ANKRA2: variants seen among roughly 807,000 people sequenced by gnomAD.
ANKRA2 encodes the protein ankyrin repeat family A member 2.
A neutral mutation model predicts 37.8 loss-of-function variants in ANKRA2; 33 were observed. The observed-to-expected ratio is 0.87, with a 90% CI of 0.66 to 1.17. The LOEUF is 1.17. Among genes scored for constraint, ANKRA2 ranks in the 50% most tolerant of loss-of-function variants. The probability of loss-of-function intolerance (pLI) is 0.00; values close to 1 mark genes in which losing one functional copy is unlikely to be tolerated. For missense variants in ANKRA2, 326 were observed against 373.7 expected (o/e 0.87, Z 1.05); for synonymous variants, 126 against 132.3 (o/e 0.95, Z 0.33).
intron 3 of ANKRA2, among the ~76,000 whole-genome samples, chr5:73,560,528 T>G (rs915247815): frequency 6.6e-6 from 1 of 151,916 alleles, no homozygotes; most frequent in Admixed American, 6.6e-5. Context: ...GCCTGGCTAT[T>G]TTTTGAAATT....
chr5:73,554,486 T>A, intron 6 of ANKRA2, 98 bp from the exon 7 acceptor site: 2 of 768,690 alleles, frequency 2.6e-6, no homozygotes, highest in Non-Finnish European at 4.3e-6. Flanking sequence ...AGACATATAA[T>A]CATTTAAAGT....
At chr5:73,560,888 C>G (rs1307829244) in intron 3 of ANKRA2, among the ~76,000 whole-genome samples, 1 of 152,142 alleles carries the variant, frequency 6.6e-6, no homozygotes, top group African/African-American at 2.4e-5. Context: ...ATAGTGAGAT[C>G]GTGTGGTATT....
At chr5:73,561,666 C>T (rs1747557977) in intron 2 of ANKRA2, among the ~76,000 whole-genome samples, 1 of 151,962 alleles carries the variant, frequency 6.6e-6, no homozygotes, top group African/African-American at 2.4e-5. Flanking sequence ...ACTCGGGAGG[C>T]TGAGGCAGGA....
At chr5:73,559,155 T>C (rs532728382) in intron 3 of ANKRA2, among the ~76,000 whole-genome samples, 33 of 152,250 alleles carry the variant, frequency 2.2e-4, no homozygotes, top group African/African-American at 7.5e-4. Flanking sequence ...ACAGGTGGGA[T>C]GAGAGTCCTA....
At chr5:73,563,676 T>C (rs1249071078) in intron 1 of ANKRA2, among the ~76,000 whole-genome samples, 1 of 152,196 alleles carries the variant, frequency 6.6e-6, no homozygotes, top group African/African-American at 2.4e-5. Flanking sequence ...TTCCAAGATG[T>C]ATAGTTGTCT....
chr5:73,554,257 G>A (rs1479378350), intron 7 of ANKRA2, 65 bp downstream of exon 7: 2 of 1,317,538 alleles, frequency 1.5e-6, no homozygotes, highest in African/African-American at 2.9e-5. Context: ...AGTACCAGGG[G>A]AGGCCAGGTC....
Position 73,561,148 on chromosome 5 carries a change from T to A in ANKRA2, c.430A>T (p.Thr144Ser). ...TACTTACAATTTGCTAACAGAGGTG[T>A]GGTAGAGACCTCATTTCCTCTGTGT... is the stretch of plus-strand genomic sequence containing the variant. ...NKHRGNEVST[T>S]PLLANSLSVH... Residue 144 changes from threonine to serine, a missense_variant, in exon 3 of 9, where the codon ACA (threonine) becomes TCA (serine). Physicochemically the swap from Thr to Ser is moderately conservative, Grantham distance 58 (BLOSUM62 1). Coordinates refer to ENST00000296785, the MANE Select transcript of ANKRA2 (RefSeq NM_023039.5). The A allele has an allele frequency of 6.2e-7, 1 of 1,613,114 alleles. No individual in the cohort carries two copies. Among genetic ancestry groups the A allele is most frequent in the Non-Finnish European group, 8.5e-7 (1 of 1,179,800 alleles).
chr5:73,555,050 G>C, intron 5 of ANKRA2, 64 bp from the exon 6 acceptor site: 4 of 1,560,864 alleles, frequency 2.6e-6, no homozygotes, highest in Non-Finnish European at 3.5e-6. Context: ...TGTTATTCCT[G>C]TCAACAATAA....
At chr5:73,557,662 C>T (rs764825624) in intron 3 of ANKRA2, 22 bp from the exon 4 acceptor site, 7 of 1,579,896 alleles carry the variant, frequency 4.4e-6, no homozygotes, top group African/African-American at 1.3e-5. Context: ...TCATAAAATG[C>T]TTCATGAATT....
At chr5:73,564,782 T>C (rs1266317159) in intron 1 of ANKRA2, among the ~76,000 whole-genome samples, 5 of 150,432 alleles carry the variant, frequency 3.3e-5, no homozygotes, top group East Asian at 3.9e-4. Context: ...GCGAAGGGGG[T>C]GGGTGGAAAA....
In ANKRA2 at chr5:73,562,963, T is replaced by C; in HGVS notation, c.-82A>G. 1 of 1,277,604 alleles carries C rather than the reference T, an allele frequency of 7.8e-7. No homozygotes were observed. The highest frequency in any genetic ancestry group is 1.1e-6 in the Non-Finnish European group (1 of 941,338). 79.1% of individuals were successfully genotyped at this position (1,277,604 alleles called of 1,614,324 possible). On this transcript the variant is annotated 5_prime_UTR_variant, in exon 2 of 9. Transcript: ENST00000296785. Reference sequence around the variant, plus strand: ...TGTAAGAGCAGTATCCAGTGTGTTCTTGGAATCTGGATATTTAAAAATCTG... The same window carrying C: ...TGTAAGAGCAGTATCCAGTGTGTTCCTGGAATCTGGATATTTAAAAATCTG...
Position 73,565,537 on chromosome 5 carries a change from T to C in ANKRA2, c.-510A>G. The C allele has an allele frequency of 4.6e-6, 1 of 218,250 alleles. No individual in the cohort carries two copies. The highest frequency in any genetic ancestry group is 5.0e-5 in the South Asian group (1 of 20,174). The allele number at this position is 218,250 out of a possible 1,614,324, so 13.5% of individuals were successfully genotyped here. A position where few individuals can be genotyped will look rare whatever the true frequency, so the allele number is the denominator to read the frequency against. Reference sequence around the variant, plus strand: ...GTCCCTCTCTCCTTTTTTTTAATATTTTTGTTTTTGCCGCCTTTACGCTCC... The same window carrying C: ...GTCCCTCTCTCCTTTTTTTTAATATCTTTGTTTTTGCCGCCTTTACGCTCC... On this transcript the variant is annotated 5_prime_UTR_variant, in exon 1 of 9. Coordinates refer to ENST00000296785, the MANE Select transcript of ANKRA2 (RefSeq NM_023039.5).
At chr5:73,553,756 C>T (rs142398144) in intron 7 of ANKRA2, among the ~76,000 whole-genome samples, 300 of 150,890 alleles carry the variant, frequency 2.0e-3, no homozygotes, top group African/African-American at 7.0e-3. Context: ...AGAAAGAGTA[C>T]AATAGTGAAT....
intron 1 of ANKRA2, among the ~76,000 whole-genome samples, chr5:73,564,129 G>T (rs940400672): frequency 2.6e-5 from 4 of 151,078 alleles, no homozygotes; most frequent in Non-Finnish European, 5.9e-5. Flanking sequence ...AAAAAAGCAG[G>T]AAGTAAGAAG....
chr5:73,557,495 T>G, intron 4 of ANKRA2, 80 bp downstream of exon 4: 7 of 1,028,650 alleles, frequency 6.8e-6, no homozygotes, highest in Non-Finnish European at 9.5e-6. Context: ...TCTTTAGGAC[T>G]TTCTTATATT....
chr5:73,555,608 T>C (rs1410711644), intron 4 of ANKRA2, 23 bp from the exon 5 acceptor site: 13 of 1,593,446 alleles, frequency 8.2e-6, no homozygotes, highest in South Asian at 1.1e-5. Context: ...AAAGCAATTT[T>C]TGTGATCTAA....
rs1747695411 is a variant in ANKRA2 at position 73,565,181 on chromosome 5, T to C, written c.-154A>G. 6.6e-6 allele frequency: 1 copy of C among 151,768 alleles called. No homozygotes were observed. Among genetic ancestry groups the C allele is most frequent in the South Asian group, 2.1e-4 (1 of 4,808 alleles). 9.4% of individuals were successfully genotyped at this position (151,768 alleles called of 1,614,324 possible). A position where few individuals can be genotyped will look rare whatever the true frequency, so the allele number is the denominator to read the frequency against. ...GAGACAGGAGCCCGCTGTCTCCCGC[T>C]GGAGGGGAGACTCTTGCAGGAAAGA... On this transcript the variant is annotated 5_prime_UTR_variant, in exon 1 of 9. Transcript: ENST00000296785.
chr5:73,557,087 C>T (rs1369346286), intron 4 of ANKRA2, among the ~76,000 whole-genome samples: 1 of 104,688 alleles, frequency 9.6e-6, no homozygotes, highest in Non-Finnish European at 2.0e-5. Flanking sequence ...AAACTTAAAA[C>T]TTAAGGGGGG....
Position 73,561,113 on chromosome 5 carries a change from C to T in ANKRA2, c.448+17G>A, listed in dbSNP as rs749321670. On this transcript the variant is annotated intron_variant, in intron 3 of 8. Coordinates refer to ENST00000296785, the MANE Select transcript of ANKRA2 (RefSeq NM_023039.5). ...TTACATTAAGAATATAGTAATACAT[C>T]AGTGGCAAATACTTACAATTTGCTA... 1.9e-6 allele frequency: 3 copies of T among 1,595,020 alleles called. No homozygotes were observed. The South Asian group carries it at 3.4e-5, about 18-fold the overall frequency.
Sources: allele counts gnomAD v4.1 joint callset (sites outside exome capture counted in the v4.1 genomes callset), GRCh38; gene constraint gnomAD v4.1.1; transcripts MANE v1.5; gene names NCBI Gene and HGNC (gene_info 2026-07-23, HGNC 2026-07-21).